The following TMEM135 variants were observed in gnomAD, a reference collection of about 807,000 sequenced individuals.
TMEM135 encodes transmembrane protein 135, also known as peroxisomal membrane protein 52.
Under a neutral mutation model 60.3 loss-of-function variants are expected in TMEM135, and 30 were observed. The ratio of observed to expected loss-of-function variants is 0.50; its 90% confidence interval spans 0.37 to 0.68. The LOEUF (loss-of-function observed/expected upper bound fraction) is 0.68, where lower values mean the gene tolerates loss of function less well. Among genes scored for constraint, TMEM135 ranks in the 30% least tolerant of loss-of-function variants. The pLI is 0.00. For synonymous variants in TMEM135, 190 were observed against 186.7 expected (o/e 1.02, Z -0.14); for missense variants, 468 against 548.8 (o/e 0.85, Z 1.47).
intron 6 of TMEM135, among the ~76,000 whole-genome samples, chr11:87,261,814 G>A (rs1017089775): frequency 1.7e-4 from 26 of 152,068 alleles, no homozygotes; most frequent in African/African-American, 2.9e-4. Flanking sequence ...TTTTAGAGGC[G>A]GGATCCCCTT....
chr11:87,201,979 T>TGTTAC (rs1268347353), intron 5 of TMEM135, among the ~76,000 whole-genome samples: 1 of 122,776 alleles, frequency 8.1e-6, no homozygotes, highest in Non-Finnish European at 1.6e-5. Flanking sequence ...TGTTATGTTA[T>TGTTAC]GTTATGTTAT....
At position 87,306,593 on chromosome 11, in the gene TMEM135, C is replaced by T. The variant is rs191540168; in HGVS notation, c.768+588C>T. Among the ~76,000 whole-genome samples the T allele has an allele frequency of 5.3e-3, 806 of 152,314 alleles. 3 individuals are homozygous for T. Among genetic ancestry groups the T allele is most frequent in the Middle Eastern group, 0.01 (3 of 294 alleles). On this transcript the variant is annotated intron_variant, in intron 9 of 14. Coordinates refer to ENST00000305494, the MANE Select transcript of TMEM135 (RefSeq NM_022918.4). Reference sequence around the variant, plus strand: ...GGACTTGAGTACTAGTGTGTCTCTTCCTCTTCCCCTGCTGTTGTGTTGTCC... The same window carrying T: ...GGACTTGAGTACTAGTGTGTCTCTTTCTCTTCCCCTGCTGTTGTGTTGTCC...
chr11:87,045,878 T>A (rs974750800), intron 1 of TMEM135, among the ~76,000 whole-genome samples: 6 of 152,218 alleles, frequency 3.9e-5, no homozygotes, highest in African/African-American at 1.4e-4. Context: ...TTGTCCCCTA[T>A]TTGTTTACCA....
chr11:87,132,162 G>A (rs1226418662), intron 4 of TMEM135, among the ~76,000 whole-genome samples: 1 of 151,982 alleles, frequency 6.6e-6, no homozygotes, highest in African/African-American at 2.4e-5. Context: ...AATGTAATGT[G>A]CTTGAATCAT....
intron 6 of TMEM135, among the ~76,000 whole-genome samples, chr11:87,280,152 T>A (rs1591164804): frequency 6.6e-6 from 1 of 152,370 alleles, no homozygotes; most frequent in South Asian, 2.1e-4. Context: ...GAACAAAGTA[T>A]ATGTTTAGAT....
chr11:87,295,885 T>C, intron 7 of TMEM135, 62 bp downstream of exon 7: 1 of 1,327,742 alleles, frequency 7.5e-7, no homozygotes, highest in Admixed American at 1.7e-5. Flanking sequence ...AAATTATACA[T>C]AATTACAATA....
rs1186401548 is a variant in TMEM135 at position 87,319,302 on chromosome 11, A to G, written c.1177-8A>G. 1 of 1,609,308 alleles carries G rather than the reference A, an allele frequency of 6.2e-7. No homozygotes were observed. Among genetic ancestry groups the G allele is most frequent in the Admixed American group, 1.7e-5 (1 of 59,970 alleles). Reference sequence around the variant, plus strand: ...TTTACTAAAAGAATTCTCAAATTTAATACTCAGGCTGTCATGGAAGTTCAG... The same window carrying G: ...TTTACTAAAAGAATTCTCAAATTTAGTACTCAGGCTGTCATGGAAGTTCAG... On this transcript the variant is annotated splice_polypyrimidine_tract_variant and splice_region_variant and intron_variant, in intron 13 of 14. Transcript: ENST00000305494.
Position 87,322,061 on chromosome 11 carries a change from T to A in TMEM135, c.*728T>A, listed in dbSNP as rs1554989199. The A allele has an allele frequency of 1.8e-5, 8 of 454,448 alleles. No homozygotes were observed. The highest frequency in any genetic ancestry group is 1.1e-4 in the South Asian group (7 of 64,470). The allele number at this position is 454,448 out of a possible 1,614,324, so 28.2% of individuals were successfully genotyped here. Reference sequence around the variant, plus strand: ...TTAGGGGCAAATGGAAATGGACACATCCGATAAAGTTGAAATGTATGTTTT... The same window carrying A: ...TTAGGGGCAAATGGAAATGGACACAACCGATAAAGTTGAAATGTATGTTTT... On this transcript the variant is annotated 3_prime_UTR_variant, in exon 15 of 15. Transcript: ENST00000305494.
intron 4 of TMEM135, among the ~76,000 whole-genome samples, chr11:87,134,197 A>G (rs1269085652): frequency 1.3e-5 from 2 of 152,168 alleles, no homozygotes; most frequent in Non-Finnish European, 2.9e-5. Flanking sequence ...CTTAGCTTGT[A>G]GATGGCTGTT....
chr11:87,038,330 TAGGGGGA>T, intron 1 of TMEM135, 144 bp downstream of exon 1: 1 of 256,418 alleles, frequency 3.9e-6, no homozygotes, highest in Non-Finnish European at 6.9e-6. Flanking sequence ...GGGGGGTCGG[TAGGGGGA>T]AGGGGGAGGT....
At chr11:87,310,365 C>T (rs528327157) in intron 10 of TMEM135, among the ~76,000 whole-genome samples, 3 of 152,052 alleles carry the variant, frequency 2.0e-5, no homozygotes, top group Admixed American at 1.3e-4. Context: ...TTTTATTAAA[C>T]GCTTAAAAGA....
intron 3 of TMEM135, among the ~76,000 whole-genome samples, chr11:87,075,672 G>A (rs866993292): frequency 2.0e-5 from 3 of 152,100 alleles, no homozygotes; most frequent in East Asian, 1.9e-4. Flanking sequence ...CAGTTGTCTC[G>A]TTGTATGTAA....
At chr11:87,095,626 A>G in intron 4 of TMEM135, 1 of 205,648 alleles carries the variant, frequency 4.9e-6, no homozygotes, top group South Asian at 9.6e-5. Flanking sequence ...CCCAGTTTTC[A>G]ACTTTGTACT....
chr11:87,135,221 G>C (rs1938056581), intron 4 of TMEM135, among the ~76,000 whole-genome samples: 1 of 151,810 alleles, frequency 6.6e-6, no homozygotes, highest in African/African-American at 2.4e-5. Flanking sequence ...CTTTTAAAGA[G>C]AAGTTTAAAA....
chr11:87,088,755 T>G (rs935940017), intron 3 of TMEM135, among the ~76,000 whole-genome samples: 1 of 152,302 alleles, frequency 6.6e-6, no homozygotes, highest in African/African-American at 2.4e-5. Context: ...GTCAGAGTCC[T>G]GTAGCTGATT....
chr11:87,293,445 A>G lies in TMEM135; in HGVS notation c.510-2337A>G, dbSNP rs1428636811. Among the ~76,000 whole-genome samples, 5 of 151,896 alleles carry G rather than the reference A, an allele frequency of 3.3e-5. No individual in the cohort carries two copies. In the East Asian group the frequency reaches 9.7e-4, roughly 29 times the overall value. ...TGTGCAGAACATGCAGGTTTGTTAC[A>G]TACGTATACGTGTGCCATGGTGGTT... is the stretch of plus-strand genomic sequence containing the variant. On this transcript the variant is annotated intron_variant, in intron 6 of 14. Coordinates refer to ENST00000305494, the MANE Select transcript of TMEM135 (RefSeq NM_022918.4).
chr11:87,088,415 G>A (rs1857141010), intron 3 of TMEM135, among the ~76,000 whole-genome samples: 2 of 152,020 alleles, frequency 1.3e-5, no homozygotes, highest in African/African-American at 4.8e-5. Flanking sequence ...TACTCACAAA[G>A]TTTCCAAATT....
chr11:87,258,923 T>G lies in TMEM135; in HGVS notation c.509+22239T>G. 3 of 1,368,952 alleles carry G rather than the reference T, an allele frequency of 2.2e-6. No individual in the cohort carries two copies. In the South Asian group the frequency reaches 3.5e-5, roughly 16 times the overall value. 84.8% of individuals were successfully genotyped at this position (1,368,952 alleles called of 1,614,324 possible). On this transcript the variant is annotated intron_variant, in intron 6 of 14. Transcript: ENST00000305494. ...AGCCCTGTGTTAGGCCCTAGAAGTA[T>G]CTGCTGCTGCTGCAGTTGCTGCTGT... is the stretch of plus-strand genomic sequence containing the variant.
At chr11:87,177,032 A>G (rs963293611) in intron 5 of TMEM135, among the ~76,000 whole-genome samples, 1 of 152,160 alleles carries the variant, frequency 6.6e-6, no homozygotes, top group Non-Finnish European at 1.5e-5. Flanking sequence ...TATAATTTTC[A>G]GTAATGGATT....
Sources: gnomAD v4.1 joint callset for allele counts (sites outside exome capture counted in the v4.1 genomes callset) on GRCh38, gnomAD v4.1.1 for gene constraint, MANE v1.5 for transcripts, NCBI Gene and HGNC (gene_info 2026-07-23, HGNC 2026-07-21) for gene names.